The following KDM5B variants were observed in gnomAD, a reference collection of about 807,000 sequenced individuals.
KDM5B encodes lysine demethylase 5B.
A neutral mutation model predicts 193.4 loss-of-function variants in KDM5B; 144 were observed. That is an observed-to-expected ratio of 0.74 (90% CI 0.65 to 0.86). The LOEUF is 0.86. KDM5B is among the 40% of genes least tolerant of loss of function. The pLI, the probability that KDM5B is intolerant of heterozygous loss-of-function variation, is 0.00. For synonymous variants in KDM5B, 668 were observed against 682.6 expected (o/e 0.98, Z 0.33); for missense variants, 1,833 against 1,886.9 (o/e 0.97, Z 0.53).
intron 1 of KDM5B, among the ~76,000 whole-genome samples, chr1:202,778,413 T>G (rs557865275): frequency 2.0e-5 from 3 of 152,168 alleles, no homozygotes; most frequent in Admixed American, 2.0e-4. Flanking sequence ...TAGGTTTCAG[T>G]CTGGGATAAT....
At chr1:202,747,569 T>TTAA (rs1491280577) in intron 14 of KDM5B, among the ~76,000 whole-genome samples, 1 of 129,094 alleles carries the variant, frequency 7.7e-6, no homozygotes, top group Non-Finnish European at 1.7e-5. Flanking sequence ...CACATATTTT[T>TTAA]AAAAAAAAAA....
chr1:202,749,305 G>A (rs1008773488), intron 13 of KDM5B, among the ~76,000 whole-genome samples, 166 bp from the exon 14 acceptor site: 4 of 152,146 alleles, frequency 2.6e-5, no homozygotes, highest in African/African-American at 7.2e-5. Flanking sequence ...GCTCACACCT[G>A]TAATTCCAAC....
chr1:202,752,906 G>A lies in KDM5B; in HGVS notation c.1700C>T (p.Pro567Leu). ...CAGGAGGATTAACCCAGAACATACAGGCACTTCATGAGTCATCAGGGTATT... is the reference window on the plus strand; with the variant it reads ...CAGGAGGATTAACCCAGAACATACAAGCACTTCATGAGTCATCAGGGTATT... Reference protein sequence around the residue: ...NPNTLMTHEVPVYRTNQCAGE... With the variant: ...NPNTLMTHEVLVYRTNQCAGE... The change falls in exon 12 of 27, where the codon CCT (proline) becomes CTT (leucine). Residue 567 changes from proline to leucine, a missense_variant and splice_region_variant. Pro to Leu is a moderately conservative substitution (Grantham distance 98). Coordinates refer to ENST00000367265, the MANE Select transcript of KDM5B (RefSeq NM_006618.5). 1 of 1,612,850 alleles carries A rather than the reference G, an allele frequency of 6.2e-7. No homozygotes were observed. Among genetic ancestry groups the A allele is most frequent in the Non-Finnish European group, 8.5e-7 (1 of 1,179,548 alleles).
At chr1:202,758,185 C>T (rs1656095485) in intron 9 of KDM5B, among the ~76,000 whole-genome samples, 1 of 152,130 alleles carries the variant, frequency 6.6e-6, no homozygotes, top group Non-Finnish European at 1.5e-5. Context: ...GAAGAGGTAT[C>T]TTTAGAGAAA....
intron 7 of KDM5B, among the ~76,000 whole-genome samples, chr1:202,762,330 C>G (rs1200670285): frequency 6.6e-6 from 1 of 152,088 alleles, no homozygotes; most frequent in African/African-American, 2.4e-5. Context: ...TTGGAAAACA[C>G]TAACTTGGAT....
intron 2 of KDM5B, among the ~76,000 whole-genome samples, chr1:202,776,660 G>T (rs1656968405): frequency 6.6e-6 from 1 of 152,048 alleles, no homozygotes; most frequent in South Asian, 2.1e-4. Context: ...CTCCCAGGCT[G>T]AAGCAATCCA....
intron 1 of KDM5B, among the ~76,000 whole-genome samples, chr1:202,782,903 C>A (rs888139012): frequency 1.3e-5 from 2 of 152,102 alleles, no homozygotes; most frequent in Non-Finnish European, 2.9e-5. Context: ...GTGGGGTTCA[C>A]ACTTTGCGAG....
At chr1:202,802,276 T>C (rs1472712133) in intron 1 of KDM5B, among the ~76,000 whole-genome samples, 1 of 152,162 alleles carries the variant, frequency 6.6e-6, no homozygotes, top group Non-Finnish European at 1.5e-5. Context: ...GGGGTCCAAT[T>C]AAGGCAACAA....
chr1:202,764,376 C>A (rs1052744720), intron 5 of KDM5B, among the ~76,000 whole-genome samples: 2 of 152,148 alleles, frequency 1.3e-5, no homozygotes, highest in African/African-American at 4.8e-5. Context: ...GTGGTTCACA[C>A]CTGTAATCGC....
chr1:202,769,916 G>A (rs1401249838), intron 4 of KDM5B, among the ~76,000 whole-genome samples: 1 of 152,018 alleles, frequency 6.6e-6, no homozygotes, highest in African/African-American at 2.4e-5. Context: ...ACAAAAGTAT[G>A]AGTGATTAGG....
intron 11 of KDM5B, among the ~76,000 whole-genome samples, chr1:202,754,585 C>T (rs1372095967): frequency 1.3e-5 from 2 of 152,190 alleles, no homozygotes; most frequent in African/African-American, 4.8e-5. Flanking sequence ...CTATAATTCA[C>T]GCTTCTCCCA....
intron 22 of KDM5B, among the ~76,000 whole-genome samples, chr1:202,734,297 TAAA>T (rs35019533): frequency 9.7e-6 from 1 of 102,588 alleles, no homozygotes; most frequent in Non-Finnish European, 1.8e-5. Flanking sequence ...TTATCTCTAT[TAAA>T]AAAAAAAAAA....
chr1:202,750,534 G>A lies in KDM5B; in HGVS notation c.1821+125C>T, dbSNP rs928591082. The A allele has an allele frequency of 1.9e-5, 19 of 980,236 alleles. 1 individual carries two copies. Among genetic ancestry groups the A allele is most frequent in the South Asian group, 1.2e-4 (6 of 48,576 alleles). 60.7% of individuals were successfully genotyped at this position (980,236 alleles called of 1,614,324 possible). On this transcript the variant is annotated intron_variant, in intron 13 of 26. Transcript: ENST00000367265. ...AGGTGATCTGCCCACCTTGGCTTCC[G>A]AAAGCGCTGGGATTATAGGCATGAG...
rs749742321 is a variant in KDM5B at position 202,808,060 on chromosome 1, C to T, written c.204+42G>A. ...CCGGACCCGCGCGTCCCCGCTCCCT[C>T]CCCCAGCCACGAGCTGGATCCGGGG... On this transcript the variant is annotated intron_variant, in intron 1 of 26. Transcript: ENST00000367265. 7 of 1,592,972 alleles carry T rather than the reference C, an allele frequency of 4.4e-6. No individual in the cohort carries two copies. The African/African-American group carries it at 6.9e-5, about 16-fold the overall frequency.
intron 23 of KDM5B, 125 bp from the exon 24 acceptor site, chr1:202,732,064 G>C (rs1255491985): frequency 1.6e-6 from 1 of 631,148 alleles, no homozygotes; most frequent in East Asian, 2.9e-5. Context: ...AAAACAACTT[G>C]ATTTTCCCCT....
intron 19 of KDM5B, 107 bp downstream of exon 19, chr1:202,741,260 A>T (rs902683669): frequency 3.0e-6 from 2 of 677,118 alleles, no homozygotes; most frequent in Admixed American, 7.0e-5. Flanking sequence ...CACATGCATA[A>T]TAACCGCAGC....
chr1:202,745,851 C>A lies in KDM5B; in HGVS notation c.2323+7G>T, dbSNP rs375687957. Reference sequence around the variant, plus strand: ...CCAATCACCAAGTCACTTTCTGTATCACATACTTTTCTTCTTGTTGATCTT... The same window carrying A: ...CCAATCACCAAGTCACTTTCTGTATAACATACTTTTCTTCTTGTTGATCTT... On this transcript the variant is annotated splice_region_variant and intron_variant, in intron 16 of 26. Coordinates refer to ENST00000367265, the MANE Select transcript of KDM5B (RefSeq NM_006618.5). The A allele has an allele frequency of 6.2e-7, 1 of 1,613,738 alleles. No homozygotes were observed. The highest frequency in any genetic ancestry group is 1.3e-5 in the African/African-American group (1 of 74,926).
At chr1:202,781,939 TG>T (rs146695413) in intron 1 of KDM5B, among the ~76,000 whole-genome samples, 130 of 152,308 alleles carry the variant, frequency 8.5e-4, no homozygotes, top group Non-Finnish European at 1.6e-3. Context: ...TAAAGATATT[TG>T]ATGTTCTCAA....
rs1037471384 is a variant in KDM5B, at chr1:202,748,382, A to G, written c.2016+563T>C. Reference sequence around the variant, plus strand: ...AGGAAACCAAAAAAACATGATTCACACAAGAAAATAATTAACAAACTGGAC... The same window carrying G: ...AGGAAACCAAAAAAACATGATTCACGCAAGAAAATAATTAACAAACTGGAC... On this transcript the variant is annotated intron_variant, in intron 14 of 26. Coordinates refer to ENST00000367265, the MANE Select transcript of KDM5B (RefSeq NM_006618.5). Among the ~76,000 whole-genome samples the G allele has an allele frequency of 7.9e-5, 12 of 152,304 alleles. No homozygotes were observed. The South Asian group carries it at 2.5e-3, about 32-fold the overall frequency.
Sources: gnomAD v4.1 joint callset for allele counts (sites outside exome capture counted in the v4.1 genomes callset) on GRCh38, gnomAD v4.1.1 for gene constraint, MANE v1.5 for transcripts, NCBI Gene and HGNC (gene_info 2026-07-23, HGNC 2026-07-21) for gene names.